Variants in ANO1 observed in about 807,000 individuals in gnomAD.
ANO1 encodes the protein anoctamin-1.
ANO1 carries 59 observed loss-of-function variants against 124.0 expected under a neutral mutation model. That is an observed-to-expected ratio of 0.48 (90% CI 0.39 to 0.59). ANO1 has a LOEUF of 0.59. ANO1 is among the 20% of genes least tolerant of loss of function. The probability of loss-of-function intolerance (pLI) is 0.00; values close to 1 mark genes in which losing one functional copy is unlikely to be tolerated. For missense variants in ANO1, 1,059 were observed against 1,328.0 expected (o/e 0.80, Z 3.15); for synonymous variants, 529 against 532.0 (o/e 0.99, Z 0.08).
At chr11:70,025,263 T>C (rs1555003042) in intron 1 of ANO1, among the ~76,000 whole-genome samples, 1 of 152,164 alleles carries the variant, frequency 6.6e-6, no homozygotes, top group African/African-American at 2.4e-5. Context: ...TATAAGGTGG[T>C]AGTGAGGGTT....
chr11:70,018,669 G>C (rs1215766520), intron 1 of ANO1, among the ~76,000 whole-genome samples: 1 of 152,190 alleles, frequency 6.6e-6, no homozygotes, highest in Admixed American at 6.5e-5. Context: ...GTTTTTGGAA[G>C]TTCTGAGGAC....
intron 1 of ANO1, among the ~76,000 whole-genome samples, chr11:70,020,356 A>G (rs1478371661): frequency 2.6e-5 from 4 of 151,498 alleles, no homozygotes; most frequent in Non-Finnish European, 5.9e-5. Flanking sequence ...GTCAGTTCTC[A>G]CTCAGGACAG....
At chr11:70,040,559 C>G (rs1857167508) in intron 1 of ANO1, among the ~76,000 whole-genome samples, 1 of 152,162 alleles carries the variant, frequency 6.6e-6, no homozygotes, top group Non-Finnish European at 1.5e-5. Context: ...ACCTGCAATC[C>G]CAGCACTTGG....
intron 1 of ANO1, among the ~76,000 whole-genome samples, chr11:70,037,742 G>A (rs1322201790): frequency 6.6e-6 from 1 of 152,064 alleles, no homozygotes; most frequent in Non-Finnish European, 1.5e-5. Flanking sequence ...GGTTTTTTCT[G>A]CTTGTTGAGT....
intron 1 of ANO1, among the ~76,000 whole-genome samples, chr11:70,025,347 A>G (rs1292697020): frequency 1.3e-5 from 2 of 152,222 alleles, no homozygotes; most frequent in African/African-American, 2.4e-5. Flanking sequence ...AATCATGATC[A>G]TGATAATGAT....
chr11:70,131,792 TG>T, intron 10 of ANO1, 126 bp from the exon 11 acceptor site: 1 of 1,130,296 alleles, frequency 8.8e-7, no homozygotes, highest in Non-Finnish European at 1.2e-6. Flanking sequence ...CACTATGGCA[TG>T]GACCTGAGGG....
intron 3 of ANO1, among the ~76,000 whole-genome samples, chr11:70,103,668 C>G (rs984333248): frequency 5.9e-5 from 9 of 152,194 alleles, no homozygotes; most frequent in Admixed American, 5.2e-4. Context: ...GGCAGGCGGA[C>G]GGGTGAAGCC....
chr11:70,113,348 T>A (rs1452905706), intron 7 of ANO1, among the ~76,000 whole-genome samples: 1 of 152,208 alleles, frequency 6.6e-6, no homozygotes, highest in Non-Finnish European at 1.5e-5. Flanking sequence ...GAGATTGGAT[T>A]GAGTCGGTTT....
At chr11:70,121,081 G>T (rs960176155) in intron 8 of ANO1, among the ~76,000 whole-genome samples, 1 of 152,144 alleles carries the variant, frequency 6.6e-6, no homozygotes, top group Non-Finnish European at 1.5e-5. Flanking sequence ...CCCTCCACAC[G>T]TCTGTCAGAA....
intron 8 of ANO1, among the ~76,000 whole-genome samples, chr11:70,116,843 A>G (rs1197165354): frequency 6.6e-6 from 1 of 152,224 alleles, no homozygotes; most frequent in Non-Finnish European, 1.5e-5. Flanking sequence ...GGCCTCCAGC[A>G]GTCCTTGCTG....
chr11:70,026,333 GTGGTGGTGGTGGTGGTGACGGTGA>G lies in ANO1; in HGVS notation c.58+40182_58+40205del, dbSNP rs1223386541. Among the ~76,000 whole-genome samples the G allele has an allele frequency of 2.0e-5, 3 of 150,148 alleles. No homozygotes were observed. The South Asian group carries it at 6.4e-4, about 32-fold the overall frequency. The stretch of plus-strand genomic sequence containing the variant: ...AATGATGGCATTGATGATGGTGGTG[GTGGTGGTGGTGGTGGTGACGGTGA>G]TGGTGGTGGTGGTGATGACAATGAT... On this transcript the variant is annotated intron_variant, in intron 1 of 27. Transcript: ENST00000531349.
chr11:70,057,149 A>G (rs1052471089), intron 1 of ANO1, among the ~76,000 whole-genome samples: 1 of 151,996 alleles, frequency 6.6e-6, no homozygotes, highest in Non-Finnish European at 1.5e-5. Flanking sequence ...GTGGTTCTTA[A>G]TCATTTAGCT....
At chr11:70,155,652 G>A (rs906026437) in intron 14 of ANO1, among the ~76,000 whole-genome samples, 1 of 152,226 alleles carries the variant, frequency 6.6e-6, no homozygotes, top group Non-Finnish European at 1.5e-5. Context: ...GCATGACGCG[G>A]TCCAGTGGAG....
In ANO1 at chr11:70,116,446, T is replaced by C. The variant is rs879335268; in HGVS notation, c.856-12T>C. On this transcript the variant is annotated splice_polypyrimidine_tract_variant and intron_variant, in intron 7 of 25. Transcript: ENST00000355303. ...GGATGATAAGAACGTCCCTTTCCTC[T>C]TTTTTTAACAGGGAGACTACAACGG... is the stretch of plus-strand genomic sequence containing the variant. 6.9e-6 allele frequency: 11 copies of C among 1,593,288 alleles called. No individual in the cohort carries two copies. Among genetic ancestry groups the C allele is most frequent in the African/African-American group, 1.3e-5 (1 of 74,528 alleles).
At chr11:70,094,141 C>A (rs905623467) in intron 2 of ANO1, among the ~76,000 whole-genome samples, 26 of 152,216 alleles carry the variant, frequency 1.7e-4, no homozygotes, top group Admixed American at 2.0e-4. Flanking sequence ...AGAGCCCACT[C>A]CTCACCACTC....
intron 1 of ANO1, among the ~76,000 whole-genome samples, chr11:70,009,174 T>C (rs1432070039): frequency 1.3e-5 from 2 of 152,126 alleles, no homozygotes; most frequent in Non-Finnish European, 2.9e-5. Context: ...AATTTGGAAA[T>C]CAAAGGACAA....
In ANO1 at chr11:70,176,139, G is replaced by GTATATATA. The variant is rs371250706; in HGVS notation, c.2351-3858_2351-3851dup. On this transcript the variant is annotated intron_variant, in intron 22 of 25. Transcript: ENST00000355303. ...GGACAGGGCGACTTCCAGATTATGG[G>GTATATATA]TATATATATATATACACTTTTTTTT... Among the ~76,000 whole-genome samples, 319 of 146,526 alleles carry GTATATATA rather than the reference G, an allele frequency of 2.2e-3. 1 individual carries two copies. Among genetic ancestry groups the GTATATATA allele is most frequent in the African/African-American group, 7.9e-3 (310 of 39,242 alleles).
intron 1 of ANO1, among the ~76,000 whole-genome samples, chr11:70,031,285 T>A (rs1555003787): frequency 2.6e-5 from 4 of 152,212 alleles, no homozygotes; most frequent in Non-Finnish European, 5.9e-5. Context: ...CATGGTATCA[T>A]CAAATCAAGC....
At chr11:70,142,690 T>A (rs967874187) in intron 11 of ANO1, among the ~76,000 whole-genome samples, 1 of 152,124 alleles carries the variant, frequency 6.6e-6, no homozygotes, top group African/African-American at 2.4e-5. Context: ...CATAACCAAA[T>A]ACCACGGACA....
Sources: gnomAD v4.1 joint callset for allele counts (sites outside exome capture counted in the v4.1 genomes callset) on GRCh38, gnomAD v4.1.1 for gene constraint, MANE v1.5 for transcripts, NCBI Gene and HGNC (gene_info 2026-07-23, HGNC 2026-07-21) for gene names.